APP: variants seen among roughly 807,000 people sequenced by gnomAD.
The protein encoded by APP is amyloid-beta precursor protein.
In APP, 31 loss-of-function variants were observed where a neutral mutation model predicts 101.4. The ratio of observed to expected loss-of-function variants is 0.31; its 90% CI spans 0.23 to 0.41. The LOEUF (loss-of-function observed/expected upper bound fraction) is 0.41. Among genes scored for constraint, APP ranks in the 10% least tolerant of loss-of-function variants. The pLI, the probability that APP is intolerant of heterozygous loss-of-function variation, is 1.00. For missense variants in APP, 839 were observed against 1,003.7 expected (o/e 0.84, Z 2.22); for synonymous variants, 366 against 364.4 (o/e 1.00, Z -0.05).
At chr21:26,147,727 G>A (rs1331198749) in intron 1 of APP, among the ~76,000 whole-genome samples, 2 of 152,088 alleles carry the variant, frequency 1.3e-5, no homozygotes, top group African/African-American at 2.4e-5. Flanking sequence ...GCACTTGGAT[G>A]CAGCTACAGG....
chr21:26,143,618 C>T (rs1425611641), intron 1 of APP, among the ~76,000 whole-genome samples: 2 of 152,090 alleles, frequency 1.3e-5, no homozygotes, highest in African/African-American at 4.8e-5. Context: ...GTGTACAATT[C>T]ACTATTATTA....
chr21:26,045,698 G>C (rs2045577696), intron 5 of APP, among the ~76,000 whole-genome samples: 1 of 152,142 alleles, frequency 6.6e-6, no homozygotes, highest in Non-Finnish European at 1.5e-5. Context: ...GTGACGTCTT[G>C]CCATATGTGA....
intron 1 of APP, among the ~76,000 whole-genome samples, chr21:26,147,563 T>C (rs2063178090): frequency 1.3e-5 from 2 of 152,126 alleles, no homozygotes; most frequent in African/African-American, 4.8e-5. Context: ...TATTTTAGTT[T>C]TGCTTTATTG....
intron 3 of APP, among the ~76,000 whole-genome samples, chr21:26,081,549 G>C (rs2061599269): frequency 6.6e-6 from 1 of 152,146 alleles, no homozygotes; most frequent in Non-Finnish European, 1.5e-5. Flanking sequence ...GTTAAGGCAG[G>C]AACAGGCCAT....
At chr21:25,979,272 G>A (rs536885537) in intron 9 of APP, among the ~76,000 whole-genome samples, 43 of 152,190 alleles carry the variant, frequency 2.8e-4, no homozygotes, top group South Asian at 6.2e-4. Flanking sequence ...TTAAAAAACC[G>A]CACAATTTTT....
At chr21:26,127,889 C>G (rs961256865) in intron 1 of APP, among the ~76,000 whole-genome samples, 1 of 152,142 alleles carries the variant, frequency 6.6e-6, no homozygotes, top group Admixed American at 6.5e-5. Context: ...GAAAAGAAAA[C>G]TAAAATGAGC....
rs762508225 is a variant in APP, at chr21:26,000,044, T to G, written c.1004A>C (p.Glu335Ala). The change falls in exon 7 of 18, where the codon GAG (glutamate) becomes GCG (alanine). Residue 335 changes from glutamate (E) to alanine (A), a missense_variant. Glu to Ala is a moderately radical substitution (Grantham distance 107, BLOSUM62 -1). Coordinates refer to ENST00000346798, the MANE Select transcript of APP (RefSeq NM_000484.4). ...GGNRNNFDTE[E>A]YCMAVCGSAM... The stretch of plus-strand genomic sequence containing the variant: ...GCTGCCACACACGGCCATGCAGTAC[T>G]CTTCTGTGTCAAAGTTGTTCCGGTT... The G allele has an allele frequency of 6.2e-7, 1 of 1,614,118 alleles. No individual in the cohort carries two copies. The highest frequency in any genetic ancestry group is 1.1e-5 in the South Asian group (1 of 91,078).
chr21:26,146,676 C>A (rs1026795709), intron 1 of APP, among the ~76,000 whole-genome samples: 1 of 152,190 alleles, frequency 6.6e-6, no homozygotes, highest in African/African-American at 2.4e-5. Flanking sequence ...GAGAGCTGAT[C>A]ATTGCTGAGC....
intron 6 of APP, among the ~76,000 whole-genome samples, chr21:26,013,932 G>T (rs1293613875): frequency 1.3e-5 from 2 of 152,128 alleles, no homozygotes; most frequent in Admixed American, 6.5e-5. Flanking sequence ...CATGACATGG[G>T]GCACAAAATA....
At chr21:26,047,528 G>A (rs1235394002) in intron 5 of APP, among the ~76,000 whole-genome samples, 5 of 152,202 alleles carry the variant, frequency 3.3e-5, no homozygotes, top group African/African-American at 4.8e-5. Flanking sequence ...AGCCCTGCCC[G>A]CCTGCAGGGC....
chr21:26,084,256 T>TTTTG (rs2061657172), intron 3 of APP, among the ~76,000 whole-genome samples: 1 of 116,038 alleles, frequency 8.6e-6, no homozygotes, highest in Admixed American at 9.3e-5. Context: ...TTTTTTTTTT[T>TTTTG]GAGACTGAGT....
At chr21:26,019,351 G>C (rs1324531636) in intron 6 of APP, among the ~76,000 whole-genome samples, 1 of 152,122 alleles carries the variant, frequency 6.6e-6, no homozygotes, top group African/African-American at 2.4e-5. Context: ...TGTTTTGCTA[G>C]TCCTGATGAC....
intron 1 of APP, among the ~76,000 whole-genome samples, chr21:26,139,722 G>A (rs992020514): frequency 3.9e-5 from 6 of 152,088 alleles, no homozygotes; most frequent in South Asian, 2.1e-4. Context: ...ATGAAACCTC[G>A]TCTCTATTAA....
intron 13 of APP, among the ~76,000 whole-genome samples, chr21:25,924,629 G>C (rs1194331488): frequency 1.2e-4 from 18 of 147,034 alleles, no homozygotes; most frequent in Non-Finnish European, 3.0e-5. Flanking sequence ...GGGTGAAAGG[G>C]GAGGGAGAGC....
At chr21:26,073,365 C>A (rs1238098390) in intron 3 of APP, among the ~76,000 whole-genome samples, 1 of 152,010 alleles carries the variant, frequency 6.6e-6, no homozygotes, top group Admixed American at 6.6e-5. Flanking sequence ...GGAGAATGCA[C>A]CCATCAACCG....
chr21:26,146,363 C>A (rs957177181), intron 1 of APP, among the ~76,000 whole-genome samples: 1 of 152,190 alleles, frequency 6.6e-6, no homozygotes, highest in African/African-American at 2.4e-5. Flanking sequence ...TCTGGCAAGC[C>A]TTTTTAGTCT....
chr21:25,904,890 G>T, intron 15 of APP, 134 bp downstream of exon 15: 2 of 763,708 alleles, frequency 2.6e-6, no homozygotes, highest in Non-Finnish European at 4.6e-6. Context: ...TTAAAAGTTT[G>T]GTTTCTAAGG....
intron 16 of APP, among the ~76,000 whole-genome samples, chr21:25,895,955 C>G (rs112836526): frequency 5.9e-5 from 9 of 152,312 alleles, no homozygotes; most frequent in African/African-American, 1.9e-4. Context: ...CTCCTAATTG[C>G]TGCCGCTGCC....
rs572577964 is a variant in APP, at chr21:25,918,404, C to T, written c.1688-6442G>A. Among the ~76,000 whole-genome samples the T allele has an allele frequency of 9.8e-5, 15 of 152,290 alleles. No homozygotes were observed. In the East Asian group the frequency reaches 1.2e-3, roughly 12 times the overall value. Reference sequence around the variant, plus strand: ...CAAGATGGCCGAATAGGAACAGCTCCGGTCTACAGCTCCCAGCGTGAGCGA... The same window carrying T: ...CAAGATGGCCGAATAGGAACAGCTCTGGTCTACAGCTCCCAGCGTGAGCGA... On this transcript the variant is annotated intron_variant, in intron 13 of 17. Transcript: ENST00000346798.
Sources: allele counts gnomAD v4.1 joint callset (sites outside exome capture counted in the v4.1 genomes callset), GRCh38; gene constraint gnomAD v4.1.1; transcripts MANE v1.5; gene names NCBI Gene and HGNC (gene_info 2026-07-23, HGNC 2026-07-21).